Variants in RET observed in about 807,000 individuals in gnomAD.
RET encodes the protein ret proto-oncogene, also known as proto-oncogene tyrosine-protein kinase receptor Ret.
RET carries 19 observed loss-of-function variants against 118.3 expected under a neutral mutation model. The ratio of observed to expected loss-of-function variants is 0.16; its 90% CI spans 0.11 to 0.24. The LOEUF is 0.24. Ranked by LOEUF, RET falls within the 10% of genes least tolerant of loss-of-function variation. The pLI, the probability that RET is intolerant of heterozygous loss-of-function variation, is 1.00. For missense variants in RET, 1,219 were observed against 1,502.1 expected, an observed-to-expected ratio of 0.81 and a Z score of 3.12; for synonymous variants, 597 against 644.1, an observed-to-expected ratio of 0.93 and a Z score of 1.11.
chr10:43,109,297 G>T (rs1837862844), intron 6 of RET, 67 bp downstream of exon 6: 2 of 1,520,252 alleles, frequency 1.3e-6, no homozygotes, highest in Admixed American at 3.5e-5. Context: ...GCACAGGGAG[G>T]CAGGTGACAC....
rs563976225 is a variant in RET, at chr10:43,088,488, G to A, written c.73+11157G>A. Among the ~76,000 whole-genome samples the A allele has an allele frequency of 1.2e-4, 18 of 152,234 alleles. No individual in the cohort carries two copies. The South Asian group carries it at 3.3e-3, about 28-fold the overall frequency. On this transcript the variant is annotated intron_variant, in intron 1 of 19. Coordinates refer to ENST00000355710, the MANE Select transcript of RET (RefSeq NM_020975.6). ...TGGTGCTGGTGGTAGTGGTGAGGCAGTGGCGGGGAAGGTGGAGGTAATGGT... is the reference window on the plus strand; with the variant it reads ...TGGTGCTGGTGGTAGTGGTGAGGCAATGGCGGGGAAGGTGGAGGTAATGGT...
chr10:43,100,993 A>G (rs925828546), intron 2 of RET, among the ~76,000 whole-genome samples: 8 of 152,240 alleles, frequency 5.3e-5, no homozygotes, highest in African/African-American at 1.9e-4. Flanking sequence ...TCCCTCTTCC[A>G]GTGGGGCTAA....
intron 1 of RET, among the ~76,000 whole-genome samples, chr10:43,086,589 G>A (rs1222849262): frequency 6.6e-6 from 1 of 152,238 alleles, no homozygotes; most frequent in Non-Finnish European, 1.5e-5. Context: ...TGCAGCCAAG[G>A]GGGCCAGTGA....
intron 8 of RET, among the ~76,000 whole-genome samples, chr10:43,112,514 T>G (rs1397704438): frequency 6.6e-6 from 1 of 152,292 alleles, no homozygotes; most frequent in East Asian, 1.9e-4. Flanking sequence ...TGGGAGGTCC[T>G]CGGCCAGGGG....
chr10:43,104,028 C>T (rs953161191), intron 3 of RET, among the ~76,000 whole-genome samples: 1 of 152,170 alleles, frequency 6.6e-6, no homozygotes, highest in African/African-American at 2.4e-5. Flanking sequence ...GCTTCAGGGG[C>T]GATGTAGTCT....
intron 17 of RET, among the ~76,000 whole-genome samples, chr10:43,124,377 G>T (rs781618872): frequency 6.6e-6 from 1 of 152,140 alleles, no homozygotes; most frequent in Non-Finnish European, 1.5e-5. Flanking sequence ...TGGGCCCCCA[G>T]CTGGTGGCCA....
chr10:43,093,412 A>G (rs1304015130), intron 1 of RET, among the ~76,000 whole-genome samples: 4 of 151,852 alleles, frequency 2.6e-5, no homozygotes, highest in Non-Finnish European at 5.9e-5. Context: ...CCGTGATGAG[A>G]TGGGGAAGAG....
intron 1 of RET, among the ~76,000 whole-genome samples, chr10:43,081,577 C>T (rs955355841): frequency 3.3e-5 from 5 of 152,202 alleles, no homozygotes; most frequent in Admixed American, 1.3e-4. Context: ...GCTGTCTCTC[C>T]GTGCCCGTCT....
Position 43,106,382 on chromosome 10 carries a change from G to T in RET, c.874G>T (p.Val292Leu). The change falls in exon 5 of 20, where the codon GTG becomes TTG. Residue 292 changes from valine to leucine, a missense_variant. Physicochemically the swap from Val to Leu is conservative, Grantham distance 32. Transcript: ENST00000355710. This position sits in a 1 kb window ranked among gnomAD's most constrained non-coding sequence, Gnocchi z 5.1. ...CGCCCTCTGCATCCTGCAGGACACCGTGGTGGCCACGCTGCGTGTCTTCGA... is the reference window on the plus strand; with the variant it reads ...CGCCCTCTGCATCCTGCAGGACACCTTGGTGGCCACGCTGCGTGTCTTCGA... ...VVEFKRKEDTVVATLRVFDAD... is the reference protein window; with the variant it reads ...VVEFKRKEDTLVATLRVFDAD... 1 of 1,610,770 alleles carries T rather than the reference G, an allele frequency of 6.2e-7. No homozygotes were observed. Among genetic ancestry groups the T allele is most frequent in the East Asian group, 2.2e-5 (1 of 44,880 alleles).
chr10:43,115,253 C>T (rs1481090264), intron 11 of RET, among the ~76,000 whole-genome samples: 1 of 152,200 alleles, frequency 6.6e-6, no homozygotes, highest in African/African-American at 2.4e-5. Flanking sequence ...CGGTGAGCCA[C>T]GCAGCTTATG....
rs756761746 is a variant in RET, at chr10:43,106,468, C to T, written c.960C>T (p.Pro320=). Residue 320 remains proline, a synonymous_variant, in exon 5 of 20, where the codon CCC becomes CCT. Coordinates refer to ENST00000355710, the MANE Select transcript of RET (RefSeq NM_020975.6). This position sits in a 1 kb window ranked among gnomAD's most constrained non-coding sequence, Gnocchi z 5.1. ...LVRRYTSTLL[P]GDTWAQQTFR... is the part of the protein sequence containing the mutation. ...GGCGGTACACAAGCACGCTGCTCCC[C>T]GGGGACACCTGGGCCCAGCAGACCT... 1.3e-5 allele frequency: 21 copies of T among 1,613,300 alleles called. No homozygotes were observed. The Admixed American group carries it at 1.8e-4, about 14-fold the overall frequency.
chr10:43,116,003 T>G (rs963692987), intron 11 of RET, among the ~76,000 whole-genome samples: 4 of 152,112 alleles, frequency 2.6e-5, no homozygotes, highest in Non-Finnish European at 5.9e-5. Context: ...GCCTCCCTGG[T>G]CAGAGTTCAA....
intron 9 of RET, 35 bp downstream of exon 9, chr10:43,112,998 A>G: frequency 1.3e-6 from 2 of 1,555,242 alleles, no homozygotes; most frequent in Non-Finnish European, 1.8e-6. Flanking sequence ...GGGAACAGGT[A>G]GGAGATAGTA....
Position 43,129,944 on chromosome 10 carries a change from A to T in RET, c.*1675A>T. 1 of 399,030 alleles carries T rather than the reference A, an allele frequency of 2.5e-6. No homozygotes were observed. Among genetic ancestry groups the T allele is most frequent in the Non-Finnish European group, 4.4e-6 (1 of 226,056 alleles). The allele number at this position is 399,030 out of a possible 1,614,324, so 24.7% of individuals were successfully genotyped here. Reference sequence around the variant, plus strand: ...AGATATGCTTAATGATAGTCTTACTAAATGCAGAAATAAGAATAAACTTTC... The same window carrying T: ...AGATATGCTTAATGATAGTCTTACTTAATGCAGAAATAAGAATAAACTTTC... On this transcript the variant is annotated 3_prime_UTR_variant, in exon 20 of 20. Coordinates refer to ENST00000355710, the MANE Select transcript of RET (RefSeq NM_020975.6).
chr10:43,096,726 C>T (rs1837529580), intron 1 of RET, among the ~76,000 whole-genome samples: 2 of 152,210 alleles, frequency 1.3e-5, no homozygotes, highest in South Asian at 4.1e-4. Context: ...TGACCCACCA[C>T]GATTGGCTGC....
chr10:43,077,481 G>A (rs1484598162), intron 1 of RET, 150 bp downstream of exon 1: 1 of 1,011,672 alleles, frequency 9.9e-7, no homozygotes, highest in Non-Finnish European at 1.2e-6. Flanking sequence ...GGAGCGCAGT[G>A]GCTGCGGCGG....
At position 43,112,842 on chromosome 10, in the gene RET, G is replaced by T. The variant is rs746325077; in HGVS notation, c.1649-11G>T. On this transcript the variant is annotated splice_polypyrimidine_tract_variant and intron_variant, in intron 8 of 19. Coordinates refer to ENST00000355710, the MANE Select transcript of RET (RefSeq NM_020975.6). ...CCACATGGGTGACAGCCTGCTGTGT[G>T]TCCTGTGCAGGGATCACCAGGAACT... 9 of 1,606,142 alleles carry T rather than the reference G, an allele frequency of 5.6e-6. No homozygotes were observed. Among genetic ancestry groups the T allele is most frequent in the Non-Finnish European group, 7.7e-6 (9 of 1,172,998 alleles).
chr10:43,100,825 C>CG, intron 2 of RET, 103 bp downstream of exon 2: 1 of 1,301,080 alleles, frequency 7.7e-7, no homozygotes, highest in Non-Finnish European at 1.1e-6. Context: ...GGCTTCCCCC[C>CG]CACCGCTGGT....
At position 43,101,778 on chromosome 10, in the gene RET, T is replaced by C. The variant is rs569167372; in HGVS notation, c.338-564T>C. Among the ~76,000 whole-genome samples the C allele has an allele frequency of 2.0e-5, 3 of 152,288 alleles. No homozygotes were observed. The South Asian group carries it at 6.2e-4, about 32-fold the overall frequency. Reference sequence around the variant, plus strand: ...TAAAGAATTAATTACAACAGGGGATTGGAGCAATGAGGGACAGGCTAGCAA... The same window carrying C: ...TAAAGAATTAATTACAACAGGGGATCGGAGCAATGAGGGACAGGCTAGCAA... On this transcript the variant is annotated intron_variant, in intron 2 of 19. Coordinates refer to ENST00000355710, the MANE Select transcript of RET (RefSeq NM_020975.6).
Sources: gnomAD v4.1 joint callset for allele counts (sites outside exome capture counted in the v4.1 genomes callset) on GRCh38, gnomAD v4.1.1 for gene constraint, Gnocchi (gnomAD v3.1) non-coding constraint, MANE v1.5 for transcripts, NCBI Gene and HGNC (gene_info 2026-07-23, HGNC 2026-07-21) for gene names.